The following TMEM266 variants were observed in gnomAD, a reference collection of about 807,000 sequenced individuals.
The protein encoded by TMEM266 is transmembrane protein 266.
A neutral mutation model predicts 50.5 loss-of-function variants in TMEM266; 33 were observed. The observed-to-expected ratio is 0.65, with a 90% CI of 0.50 to 0.87. The LOEUF is 0.87. Ranked by LOEUF, TMEM266 falls within the 40% of genes least tolerant of loss-of-function variation. The pLI is 0.00. For synonymous variants in TMEM266, 310 were observed against 292.3 expected (o/e 1.06, Z -0.62); for missense variants, 655 against 695.1 (o/e 0.94, Z 0.65).
chr15:76,178,691 C>G (rs769171801), intron 8 of TMEM266: 3 of 152,268 alleles, frequency 2.0e-5, no homozygotes, highest in Non-Finnish European at 4.4e-5. Context: ...CATGTGGCCT[C>G]CTTCCCGGGG....
intron 1 of TMEM266, among the ~76,000 whole-genome samples, chr15:76,068,960 G>A (rs767147255): frequency 4.6e-5 from 7 of 152,128 alleles, no homozygotes; most frequent in Admixed American, 6.5e-5. Flanking sequence ...CTAGCCCAGT[G>A]TACATTCTCC....
At position 76,161,286 on chromosome 15, in the gene TMEM266, G is replaced by A. The variant is rs1205432391; in HGVS notation, c.456+1118G>A. 6.6e-6 allele frequency among the ~76,000 whole-genome samples: 1 copy of A among 152,158 alleles called. No individual in the cohort carries two copies. Among genetic ancestry groups the A allele is most frequent in the East Asian group, 1.9e-4 (1 of 5,190 alleles). On this transcript the variant is annotated intron_variant, in intron 5 of 10. Coordinates refer to ENST00000388942, the MANE Select transcript of TMEM266 (RefSeq NM_152335.3). This position sits in a 1 kb window ranked among gnomAD's most constrained non-coding sequence, Gnocchi z 4.1. ...GAACATACGCACATCTCACACCAAC[G>A]GGAGCTGCTCTACCTGAGGCACAGG...
intron 8 of TMEM266, among the ~76,000 whole-genome samples, chr15:76,188,088 C>G (rs561135443): frequency 4.6e-5 from 7 of 152,046 alleles, no homozygotes; most frequent in South Asian, 4.1e-4. Flanking sequence ...CTTCCCCCCC[C>G]ACCCCGCCCC....
In TMEM266 at chr15:76,128,317, A is replaced by G. The variant is rs573296362; in HGVS notation, c.-96-5851A>G. On this transcript the variant is annotated intron_variant, in intron 1 of 10. Coordinates refer to ENST00000388942, the MANE Select transcript of TMEM266 (RefSeq NM_152335.3). ...CTTTTTTTAGGGGACTGACTACTTG[A>G]TCTTAGCAGCCTTTTTCAGCCCTAA... Among the ~76,000 whole-genome samples the G allele has an allele frequency of 9.2e-5, 14 of 152,288 alleles. No homozygotes were observed. The South Asian group carries it at 2.9e-3, about 32-fold the overall frequency.
intron 9 of TMEM266, among the ~76,000 whole-genome samples, chr15:76,194,894 T>G (rs1286121484): frequency 6.6e-6 from 1 of 152,150 alleles, no homozygotes; most frequent in East Asian, 1.9e-4. Context: ...GGCTTCAACA[T>G]GTGAATGAAG....
chr15:76,110,553 G>A (rs1012834240), intron 1 of TMEM266, among the ~76,000 whole-genome samples: 1 of 152,174 alleles, frequency 6.6e-6, no homozygotes, highest in Non-Finnish European at 1.5e-5. Context: ...TCTGTTCAGA[G>A]CAGACACAAA....
chr15:76,137,934 G>C, intron 3 of TMEM266, 39 bp downstream of exon 3: 5 of 1,522,514 alleles, frequency 3.3e-6, no homozygotes, highest in Non-Finnish European at 3.5e-6. Flanking sequence ...AGAAGTCCCT[G>C]GGTTAGGCTA....
At position 76,153,724 on chromosome 15, in the gene TMEM266, G is replaced by T. The variant is rs1374237377; in HGVS notation, c.228-2880G>T. ...GATGAAAATGGGGCTGGCAAAAGGG[G>T]AGGCAGGAATGTCACATCGTGGGAA... On this transcript the variant is annotated intron_variant, in intron 3 of 10. Transcript: ENST00000388942. This position sits in a 1 kb window ranked among gnomAD's most constrained non-coding sequence, Gnocchi z 4.2. 6.6e-6 allele frequency among the ~76,000 whole-genome samples: 1 copy of T among 152,172 alleles called. No homozygotes were observed. Among genetic ancestry groups the T allele is most frequent in the Non-Finnish European group, 1.5e-5 (1 of 68,016 alleles).
chr15:76,068,354 A>G (rs2036472671), intron 1 of TMEM266, among the ~76,000 whole-genome samples: 1 of 152,196 alleles, frequency 6.6e-6, no homozygotes. Flanking sequence ...TAGTTTCTCA[A>G]AAGGAGGCAA....
intron 1 of TMEM266, among the ~76,000 whole-genome samples, chr15:76,079,716 G>A (rs1296851394): frequency 1.3e-5 from 2 of 148,796 alleles, no homozygotes; most frequent in East Asian, 2.0e-4. Flanking sequence ...AGAGCTTGCC[G>A]TGAGCCGAGA....
At chr15:76,194,971 C>T (rs947451534) in intron 9 of TMEM266, among the ~76,000 whole-genome samples, 1 of 152,182 alleles carries the variant, frequency 6.6e-6, no homozygotes, top group African/African-American at 2.4e-5. Flanking sequence ...TTGCCCCGGG[C>T]TGCTTCCCCA....
chr15:76,086,567 C>A (rs781499952), intron 1 of TMEM266, among the ~76,000 whole-genome samples: 1 of 152,226 alleles, frequency 6.6e-6, no homozygotes, highest in Admixed American at 6.5e-5. Context: ...AGGCTGGGAG[C>A]AGCCCAAGCA....
At chr15:76,089,543 A>G (rs887319418) in intron 1 of TMEM266, among the ~76,000 whole-genome samples, 1 of 152,080 alleles carries the variant, frequency 6.6e-6, no homozygotes, top group East Asian at 1.9e-4. Flanking sequence ...GAAGGGTGAG[A>G]GGGAAGGCTG....
Position 76,203,834 on chromosome 15 carries a change from A to G in TMEM266, c.1115A>G (p.Asp372Gly). The change falls in exon 11 of 11, where the codon GAC becomes GGC. Residue 372 changes from aspartate to glycine, a missense_variant. Transcript: ENST00000388942. ...ATCTCCTCGGACCTCTTCTCTCTGGACATGCCCCTCAAACTCGGCGGTAAT... is the reference window on the plus strand; with the variant it reads ...ATCTCCTCGGACCTCTTCTCTCTGGGCATGCCCCTCAAACTCGGCGGTAAT... 1.2e-6 allele frequency: 2 copies of G among 1,614,162 alleles called. No homozygotes were observed. Among genetic ancestry groups the G allele is most frequent in the Non-Finnish European group, 1.7e-6 (2 of 1,180,014 alleles).
chr15:76,202,467 C>A (rs1175495129), intron 10 of TMEM266, among the ~76,000 whole-genome samples: 3 of 152,218 alleles, frequency 2.0e-5, no homozygotes, highest in Non-Finnish European at 4.4e-5. Flanking sequence ...GGGGCTGAGC[C>A]TGCAGGTGCC....
intron 8 of TMEM266, among the ~76,000 whole-genome samples, chr15:76,188,091 C>A (rs1216498344): frequency 6.6e-6 from 1 of 152,046 alleles, no homozygotes; most frequent in Non-Finnish European, 1.5e-5. Flanking sequence ...CCCCCCCCAC[C>A]CCGCCCCACT....
chr15:76,204,258 C>G lies in TMEM266; in HGVS notation c.1539C>G (p.Asp513Glu). 6.2e-7 allele frequency: 1 copy of G among 1,613,924 alleles called. No individual in the cohort carries two copies. Among genetic ancestry groups the G allele is most frequent in the Non-Finnish European group, 8.5e-7 (1 of 1,179,930 alleles). ...AGCCCACTGTGCCCATGCTGGAGGA[C>G]AAGTTCAGATCTTTGGAATCCAAAG... Residue 513 changes from aspartate (D) to glutamate (E), a missense_variant, in exon 11 of 11, where the codon GAC becomes GAG. Transcript: ENST00000388942.
At chr15:76,178,479 C>T (rs1465174929) in intron 8 of TMEM266, 3 of 152,356 alleles carry the variant, frequency 2.0e-5, no homozygotes, top group African/African-American at 4.8e-5. Flanking sequence ...AGGGCTGCAT[C>T]CGCCCCTCAT....
chr15:76,138,512 A>G (rs2037627319), intron 3 of TMEM266, among the ~76,000 whole-genome samples: 1 of 152,176 alleles, frequency 6.6e-6, no homozygotes, highest in Admixed American at 6.5e-5. Flanking sequence ...GGGGACCCAC[A>G]GTGATTAGGG....
Sources: gnomAD v4.1 joint callset for allele counts (sites outside exome capture counted in the v4.1 genomes callset) on GRCh38, gnomAD v4.1.1 for gene constraint, Gnocchi (gnomAD v3.1) non-coding constraint, MANE v1.5 for transcripts, NCBI Gene and HGNC (gene_info 2026-07-23, HGNC 2026-07-21) for gene names.